Variants in FRAS1 observed in about 807,000 individuals in gnomAD.
The protein encoded by FRAS1 is Fraser extracellular matrix complex subunit 1.
A neutral mutation model predicts 435.2 loss-of-function variants in FRAS1; 290 were observed. The observed-to-expected ratio is 0.67, with a 90% CI of 0.61 to 0.73. The LOEUF (loss-of-function observed/expected upper bound fraction) is 0.73, where lower values mean the gene tolerates loss of function less well. FRAS1 is among the 30% of genes least tolerant of loss of function. The pLI, the probability that FRAS1 is intolerant of heterozygous loss-of-function variation, is 0.00. For missense variants in FRAS1, 4,860 were observed against 5,001.5 expected, an observed-to-expected ratio of 0.97 and a Z score of 0.85; for synonymous variants, 1,800 against 1,851.0, an observed-to-expected ratio of 0.97 and a Z score of 0.71.
intron 18 of FRAS1, among the ~76,000 whole-genome samples, chr4:78,323,248 G>A (rs1005022732): frequency 9.2e-5 from 14 of 152,274 alleles, no homozygotes; most frequent in African/African-American, 2.9e-4. Flanking sequence ...GTAAAAGATT[G>A]GAGACATTTT....
At chr4:78,333,176 T>C (rs1336019343) in intron 18 of FRAS1, 96 bp from the exon 19 acceptor site, 1 of 1,409,144 alleles carries the variant, frequency 7.1e-7, no homozygotes. Flanking sequence ...GTACAGAACA[T>C]ACTCTGACCC....
rs17003122 is a variant in FRAS1, at chr4:78,314,432, C to T, written c.1679-1162C>T. Among the ~76,000 whole-genome samples the T allele has an allele frequency of 9.2e-3, 1,395 of 152,256 alleles. 23 individuals carry two copies. The highest frequency in any genetic ancestry group is 0.029 in the African/African-American group (1,207 of 41,548). On this transcript the variant is annotated intron_variant, in intron 15 of 73. Coordinates refer to ENST00000512123, the MANE Select transcript of FRAS1 (RefSeq NM_025074.7). ...CTCAAATCTCTCACAACCTCCACGG[C>T]TCTAATTCAACCCTTAATCATCTTG...
chr4:78,438,902 A>G lies in FRAS1; in HGVS notation c.5367A>G (p.Arg1789=). The stretch of plus-strand genomic sequence containing the variant: ...TTTGATTCTTTTTGTTTTTTTATAG[A>G]TACTCAGCTGTGTTTGAAACTGATG... The part of the protein sequence containing the change: ...TMEDINNKKI[R]YSAVFETDGH... The change falls in exon 40 of 74, where the codon AGA becomes AGG. Residue 1789 remains arginine (R), a splice_region_variant and synonymous_variant. Transcript: ENST00000512123. 3 of 1,599,284 alleles carry G rather than the reference A, an allele frequency of 1.9e-6. 1 individual carries two copies. Among genetic ancestry groups the G allele is most frequent in the South Asian group, 2.3e-5 (2 of 87,634 alleles).
intron 2 of FRAS1, among the ~76,000 whole-genome samples, chr4:78,094,447 C>A (rs866266223): frequency 6.6e-6 from 1 of 151,722 alleles, no homozygotes; most frequent in Non-Finnish European, 1.5e-5. Context: ...TTTTTCCCCT[C>A]TACATTATAT....
chr4:78,243,010 T>G (rs185158979), intron 3 of FRAS1, among the ~76,000 whole-genome samples: 143 of 152,266 alleles, frequency 9.4e-4, no homozygotes, highest in Admixed American at 1.6e-3. Context: ...GAACCTTGAA[T>G]AGTTAACCCA....
At chr4:78,323,896 C>T (rs980135695) in intron 18 of FRAS1, among the ~76,000 whole-genome samples, 4 of 152,002 alleles carry the variant, frequency 2.6e-5, no homozygotes, top group Admixed American at 2.0e-4. Context: ...ATTTGAGGTC[C>T]CTCTAGAACA....
intron 10 of FRAS1, among the ~76,000 whole-genome samples, chr4:78,279,963 CT>C (rs1355281002): frequency 2.0e-5 from 3 of 152,154 alleles, no homozygotes; most frequent in Non-Finnish European, 1.5e-5. Flanking sequence ...CAGTTAATGC[CT>C]TTTCCATCTT....
intron 70 of FRAS1, among the ~76,000 whole-genome samples, chr4:78,531,727 T>TTAA (rs1721721173): frequency 6.6e-6 from 1 of 152,168 alleles, no homozygotes; most frequent in African/African-American, 2.4e-5. Flanking sequence ...CATACCTACA[T>TTAA]CTGTGCATTA....
At chr4:78,419,093 T>G (rs1733662604) in intron 33 of FRAS1, 30 bp downstream of exon 33, 1 of 1,264,532 alleles carries the variant, frequency 7.9e-7, no homozygotes, top group Non-Finnish European at 1.1e-6. Flanking sequence ...ATCTTTTGAG[T>G]GATATTATTA....
intron 51 of FRAS1, among the ~76,000 whole-genome samples, chr4:78,471,564 A>G (rs1719709303): frequency 6.6e-6 from 1 of 152,202 alleles, no homozygotes; most frequent in African/African-American, 2.4e-5. Context: ...CCAAATCCAG[A>G]GACCAATTAT....
At chr4:78,060,010 G>T (rs965016088) in intron 1 of FRAS1, among the ~76,000 whole-genome samples, 1 of 152,104 alleles carries the variant, frequency 6.6e-6, no homozygotes, top group African/African-American at 2.4e-5. Flanking sequence ...AAATTGGATT[G>T]ATAAATTGAT....
At chr4:78,213,797 G>A (rs1458362790) in intron 2 of FRAS1, among the ~76,000 whole-genome samples, 1 of 152,134 alleles carries the variant, frequency 6.6e-6, no homozygotes, top group African/African-American at 2.4e-5. Context: ...TTCTTGGGCA[G>A]GAAACCATTT....
At chr4:78,413,841 G>A (rs377713178) in intron 32 of FRAS1, among the ~76,000 whole-genome samples, 79 of 152,268 alleles carry the variant, frequency 5.2e-4, no homozygotes, top group African/African-American at 1.8e-3. Context: ...GGTACATGAA[G>A]CTTAGTTGAG....
intron 9 of FRAS1, among the ~76,000 whole-genome samples, chr4:78,276,924 A>G (rs1727072662): frequency 6.6e-6 from 1 of 152,220 alleles, no homozygotes; most frequent in Non-Finnish European, 1.5e-5. Context: ...TGGAGTCTAC[A>G]GAGGTAGGCA....
intron 2 of FRAS1, among the ~76,000 whole-genome samples, chr4:78,081,868 TCTC>T (rs1228122005): frequency 2.1e-4 from 32 of 152,226 alleles, no homozygotes; most frequent in African/African-American, 7.5e-4. Flanking sequence ...TTTTTGGCAT[TCTC>T]CTTCCTTACG....
intron 9 of FRAS1, among the ~76,000 whole-genome samples, chr4:78,275,831 C>T (rs1309655967): frequency 6.6e-6 from 1 of 152,030 alleles, no homozygotes; most frequent in African/African-American, 2.4e-5. Context: ...TTGTGGCGTT[C>T]TCTGTATTTC....
At chr4:78,271,931 A>G (rs1215495158) in intron 9 of FRAS1, among the ~76,000 whole-genome samples, 4 of 152,230 alleles carry the variant, frequency 2.6e-5, no homozygotes, top group Non-Finnish European at 5.9e-5. Flanking sequence ...CGTCCCACCA[A>G]CAGTGTAAAA....
At chr4:78,523,771 G>A (rs899988514) in intron 69 of FRAS1, among the ~76,000 whole-genome samples, 1 of 152,056 alleles carries the variant, frequency 6.6e-6, no homozygotes, top group Non-Finnish European at 1.5e-5. Flanking sequence ...TTTATAGACA[G>A]GGAAACTGTC....
intron 49 of FRAS1, among the ~76,000 whole-genome samples, chr4:78,465,964 C>T (rs1719513412): frequency 6.6e-6 from 1 of 152,046 alleles, no homozygotes; most frequent in East Asian, 1.9e-4. Flanking sequence ...TCCCCCATGA[C>T]CTGAAGAGAA....
Sources: gnomAD v4.1 joint callset for allele counts (sites outside exome capture counted in the v4.1 genomes callset) on GRCh38, gnomAD v4.1.1 for gene constraint, MANE v1.5 for transcripts, NCBI Gene and HGNC (gene_info 2026-07-23, HGNC 2026-07-21) for gene names.